Variants in QRSL1 observed in about 807,000 individuals in gnomAD.
QRSL1 encodes the protein glutaminyl-tRNA amidotransferase subunit QRSL1, also known as glutamyl-tRNA(Gln) amidotransferase subunit A, mitochondrial.
In QRSL1, 54 loss-of-function variants were observed where a neutral mutation model predicts 61.6. That is an observed-to-expected ratio of 0.88 (90% CI 0.70 to 1.10). QRSL1 has a LOEUF of 1.10. Ranked by LOEUF, QRSL1 falls within the 50% of genes least tolerant of loss-of-function variation. The pLI, the probability that QRSL1 is intolerant of heterozygous loss-of-function variation, is 0.00. For missense variants in QRSL1, 505 were observed against 622.6 expected, an observed-to-expected ratio of 0.81 and a Z score of 2.01; for synonymous variants, 228 against 225.7, an observed-to-expected ratio of 1.01 and a Z score of -0.09.
rs563550716 is a variant in QRSL1, at chr6:106,629,783, C to T, written c.24+78C>T. ...CTTCGTTGACAAAGAGTCCCTGGGCCTTACCACGCATCTTGGCCCACCTCG... is the reference window on the plus strand; with the variant it reads ...CTTCGTTGACAAAGAGTCCCTGGGCTTTACCACGCATCTTGGCCCACCTCG... On this transcript the variant is annotated intron_variant, in intron 1 of 10. Transcript: ENST00000369046. 289 of 1,537,844 alleles carry T rather than the reference C, an allele frequency of 1.9e-4. No individual in the cohort carries two copies. The African/African-American group carries it at 3.2e-3, about 17-fold the overall frequency.
chr6:106,653,765 C>T (rs73509819), intron 7 of QRSL1: 14,337 of 148,114 alleles, frequency 0.097, 949 homozygotes, highest in African/African-American at 0.18. Flanking sequence ...TTGAGACTGC[C>T]GTGAGCCATG....
chr6:106,660,304 CT>C (rs1250427974), intron 9 of QRSL1, among the ~76,000 whole-genome samples: 1 of 151,856 alleles, frequency 6.6e-6, no homozygotes, highest in Non-Finnish European at 1.5e-5. Context: ...GGCTCAAGCT[CT>C]TCTCAGCAAC....
chr6:106,645,430 T>C (rs1777092335), intron 4 of QRSL1, among the ~76,000 whole-genome samples: 1 of 140,652 alleles, frequency 7.1e-6, no homozygotes, highest in Admixed American at 7.2e-5. Context: ...GTTTCTTTTC[T>C]TTTTTTTTTT....
intron 5 of QRSL1, 77 bp downstream of exon 5, chr6:106,649,278 T>C (rs1190981827): frequency 6.9e-7 from 1 of 1,439,156 alleles, no homozygotes; most frequent in Admixed American, 2.1e-5. Flanking sequence ...AGCAATAGAG[T>C]AGTTCATATC....
At chr6:106,630,037 C>T (rs1562161314) in intron 1 of QRSL1, among the ~76,000 whole-genome samples, 3 of 152,320 alleles carry the variant, frequency 2.0e-5, no homozygotes, top group South Asian at 2.1e-4. Flanking sequence ...TTCAGTCTCT[C>T]TTCTGTCCCC....
intron 1 of QRSL1, among the ~76,000 whole-genome samples, chr6:106,633,219 C>T (rs1392445865): frequency 2.6e-5 from 4 of 152,166 alleles, no homozygotes; most frequent in African/African-American, 9.7e-5. Flanking sequence ...GGTTATTTCC[C>T]CAGCTCTAAA....
chr6:106,629,839 G>A (rs1262393949), intron 1 of QRSL1, 134 bp downstream of exon 1: 3 of 1,097,604 alleles, frequency 2.7e-6, no homozygotes, highest in East Asian at 2.6e-5. Context: ...TGGGGGATAA[G>A]TACCTTTCGA....
intron 7 of QRSL1, chr6:106,652,900 G>GCTTAACTC (rs1777211189): frequency 1.4e-6 from 1 of 693,158 alleles, no homozygotes; most frequent in Admixed American, 3.2e-5. Flanking sequence ...CTGCTTAACT[G>GCTTAACTC]CCATTATAGT....
chr6:106,644,059 A>C (rs1187667379), intron 4 of QRSL1, among the ~76,000 whole-genome samples: 2 of 151,996 alleles, frequency 1.3e-5, no homozygotes. Context: ...TTTAGTAGAG[A>C]TTGGGTGTCG....
chr6:106,662,916 A>T, intron 9 of QRSL1, 64 bp from the exon 10 acceptor site: 2 of 1,341,522 alleles, frequency 1.5e-6, no homozygotes, highest in Non-Finnish European at 2.1e-6. Flanking sequence ...GCCTAATGTA[A>T]GATAATTGAT....
At chr6:106,636,511 G>A (rs530287163) in intron 1 of QRSL1, among the ~76,000 whole-genome samples, 1 of 152,084 alleles carries the variant, frequency 6.6e-6, no homozygotes, top group East Asian at 1.9e-4. Context: ...AGTAGAGACG[G>A]GGTTTCACCG....
At position 106,630,460 on chromosome 6, in the gene QRSL1, T is replaced by TCC. The variant is rs558670689; in HGVS notation, c.24+755_24+756insCC. ...ATATCCAATAAATCACTAAGCCCTC[T>TCC]TCATTCTATCTTGCAGATATGGCTG... On this transcript the variant is annotated intron_variant, in intron 1 of 10. Transcript: ENST00000369046. 2.3e-3 allele frequency among the ~76,000 whole-genome samples: 348 copies of TCC among 152,350 alleles called. 1 individual carries two copies. The highest frequency in any genetic ancestry group is 2.9e-3 in the East Asian group (15 of 5,192).
At chr6:106,659,221 T>C (rs1363854581) in intron 9 of QRSL1, among the ~76,000 whole-genome samples, 1 of 152,174 alleles carries the variant, frequency 6.6e-6, no homozygotes, top group East Asian at 1.9e-4. Context: ...TCCCAGCACT[T>C]TGGGAGGCCA....
Position 106,637,433 on chromosome 6 carries a change from A to G in QRSL1, c.25-2916A>G, listed in dbSNP as rs1019888821. The stretch of plus-strand genomic sequence containing the variant: ...TAGGAGCAATAGTAACAAAGATGAC[A>G]GTGTGCTAGCCAGCAAAATTGTCAA... On this transcript the variant is annotated intron_variant, in intron 1 of 10. Coordinates refer to ENST00000369046, the MANE Select transcript of QRSL1 (RefSeq NM_018292.5). Among the ~76,000 whole-genome samples the G allele has an allele frequency of 6.6e-5, 10 of 152,342 alleles. 1 individual carries two copies. The highest frequency in any genetic ancestry group is 6.8e-3 in the Middle Eastern group (2 of 294).
At chr6:106,656,317 A>G (rs1777270697) in intron 9 of QRSL1, among the ~76,000 whole-genome samples, 2 of 152,200 alleles carry the variant, frequency 1.3e-5, no homozygotes, top group South Asian at 4.1e-4. Flanking sequence ...GTATTACCAC[A>G]TTGGTTTATT....
intron 1 of QRSL1, among the ~76,000 whole-genome samples, chr6:106,630,355 G>C (rs761349041): frequency 1.4e-4 from 22 of 151,898 alleles, no homozygotes; most frequent in Non-Finnish European, 2.9e-4. Context: ...AAAAAGCTCT[G>C]GTATTTCTGA....
intron 1 of QRSL1, among the ~76,000 whole-genome samples, chr6:106,636,468 A>G (rs997373662): frequency 1.3e-5 from 2 of 151,890 alleles, no homozygotes; most frequent in South Asian, 2.1e-4. Flanking sequence ...CTACAGATGC[A>G]CGCCACCACG....
chr6:106,655,995 C>A (rs1582418576), intron 9 of QRSL1, among the ~76,000 whole-genome samples: 1 of 152,042 alleles, frequency 6.6e-6, no homozygotes. Flanking sequence ...AAACACAAAT[C>A]AAAAATATTC....
intron 1 of QRSL1, among the ~76,000 whole-genome samples, chr6:106,639,132 T>TTG (rs1562165124): frequency 2.9e-5 from 4 of 139,740 alleles, no homozygotes; most frequent in Non-Finnish European, 6.1e-5. Flanking sequence ...TTTTTTTTTT[T>TTG]TTTTTTTTTT....
Sources: allele counts gnomAD v4.1 joint callset (sites outside exome capture counted in the v4.1 genomes callset), GRCh38; gene constraint gnomAD v4.1.1; transcripts MANE v1.5; gene names NCBI Gene and HGNC (gene_info 2026-07-23, HGNC 2026-07-21).